The following SETBP1 variants were observed in gnomAD, a reference collection of about 807,000 sequenced individuals.
SETBP1 encodes the protein SET-binding protein.
Under a neutral mutation model 101.0 loss-of-function variants are expected in SETBP1, and 9 were observed. That is an observed-to-expected ratio of 0.09 (90% CI 0.05 to 0.16). SETBP1 has a LOEUF of 0.16. Among genes scored for constraint, SETBP1 ranks in the 10% least tolerant of loss-of-function variants. The pLI is 1.00. For synonymous variants in SETBP1, 818 were observed against 788.5 expected, an observed-to-expected ratio of 1.04 and a Z score of -0.63; for missense variants, 1,858 against 2,033.8, an observed-to-expected ratio of 0.91 and a Z score of 1.66.
At chr18:45,052,740 T>C (rs745339631) in intron 5 of SETBP1, among the ~76,000 whole-genome samples, 9 of 152,212 alleles carry the variant, frequency 5.9e-5, no homozygotes, top group Non-Finnish European at 1.3e-4. Flanking sequence ...CAAAGATAGT[T>C]AATTTTGTAA....
chr18:44,906,319 T>C (rs964700021), intron 3 of SETBP1, among the ~76,000 whole-genome samples: 1 of 152,204 alleles, frequency 6.6e-6, no homozygotes, highest in African/African-American at 2.4e-5. Context: ...CTTCTGATAG[T>C]AGTCCTAGCA....
intron 2 of SETBP1, among the ~76,000 whole-genome samples, chr18:44,787,962 A>G (rs2071281016): frequency 6.7e-6 from 1 of 148,876 alleles, no homozygotes; most frequent in Non-Finnish European, 1.5e-5. Flanking sequence ...TGATTTGTTT[A>G]GTTTTACTTA....
At chr18:44,831,838 GC>G (rs1249185635) in intron 2 of SETBP1, among the ~76,000 whole-genome samples, 1 of 151,970 alleles carries the variant, frequency 6.6e-6, no homozygotes, top group Non-Finnish European at 1.5e-5. Context: ...TTTTAAATCC[GC>G]CCATGACCTG....
At chr18:45,047,391 T>C (rs4507000) in intron 5 of SETBP1, among the ~76,000 whole-genome samples, 87,890 of 152,036 alleles carry the variant, frequency 0.58, 26,123 homozygotes, top group South Asian at 0.66. Context: ...AAAGGGCACA[T>C]ATATTTTATG....
intron 4 of SETBP1, among the ~76,000 whole-genome samples, chr18:45,036,437 C>T (rs577470537): frequency 1.3e-5 from 2 of 152,104 alleles, no homozygotes; most frequent in East Asian, 1.9e-4. Context: ...TTGGATGTGT[C>T]GCTTTACAAA....
chr18:44,842,316 C>T, intron 2 of SETBP1, among the ~76,000 whole-genome samples: 1 of 152,198 alleles, frequency 6.6e-6, no homozygotes, highest in Non-Finnish European at 1.5e-5. Flanking sequence ...GTGAAGCACA[C>T]AGGAGCAAAT....
rs903831601 is a variant in SETBP1 at position 44,929,385 on chromosome 18, T to C, written c.541-20496T>C. Among the ~76,000 whole-genome samples the C allele has an allele frequency of 2.6e-5, 4 of 152,248 alleles. No individual in the cohort carries two copies. The East Asian group carries it at 7.7e-4, about 29-fold the overall frequency. On this transcript the variant is annotated intron_variant, in intron 3 of 5. Coordinates refer to ENST00000649279, the MANE Select transcript of SETBP1 (RefSeq NM_015559.3). The stretch of plus-strand genomic sequence containing the variant: ...AGGTAGTGTGATGCCTCCAGCTTTG[T>C]TCTTTTGGCTTCGGATTGTCTTGGC...
At chr18:45,026,706 CA>C (rs1313603358) in intron 4 of SETBP1, among the ~76,000 whole-genome samples, 1 of 152,124 alleles carries the variant, frequency 6.6e-6, no homozygotes, top group African/African-American at 2.4e-5. Flanking sequence ...GAATAGTTAC[CA>C]CCCTATTGTC....
intron 4 of SETBP1, among the ~76,000 whole-genome samples, chr18:45,007,499 T>A (rs183391198): frequency 1.1e-4 from 17 of 151,996 alleles, no homozygotes; most frequent in African/African-American, 3.6e-4. Context: ...CTATGAGGCC[T>A]CCAGGCCATT....
intron 3 of SETBP1, chr18:44,876,547 A>G: frequency 6.5e-7 from 1 of 1,534,810 alleles, no homozygotes; most frequent in Non-Finnish European, 8.8e-7. Flanking sequence ...AATCTAAGTC[A>G]GCCTCCTCAT....
At chr18:44,911,879 A>G (rs917500127) in intron 3 of SETBP1, among the ~76,000 whole-genome samples, 1 of 152,196 alleles carries the variant, frequency 6.6e-6, no homozygotes, top group Non-Finnish European at 1.5e-5. Context: ...TTTACCATTA[A>G]GGAACTTCAA....
intron 3 of SETBP1, among the ~76,000 whole-genome samples, chr18:44,901,404 C>G (rs2070041820): frequency 1.3e-5 from 2 of 152,210 alleles, no homozygotes; most frequent in Admixed American, 6.5e-5. Flanking sequence ...ACAGATTCAT[C>G]TAATGAATTC....
chr18:44,953,480 T>C, intron 4 of SETBP1, 140 bp downstream of exon 4: 1 of 748,438 alleles, frequency 1.3e-6, no homozygotes, highest in Non-Finnish European at 2.3e-6. Flanking sequence ...CCTTGCACAT[T>C]TGAGTTTGCT....
intron 4 of SETBP1, chr18:44,988,364 T>C (rs1040476321): frequency 6.6e-6 from 1 of 152,210 alleles, no homozygotes; most frequent in African/African-American, 2.4e-5. Context: ...AGTGGGTCAT[T>C]GTGTATTGAC....
At chr18:44,888,980 C>T (rs1363874399) in intron 3 of SETBP1, among the ~76,000 whole-genome samples, 1 of 152,122 alleles carries the variant, frequency 6.6e-6, no homozygotes, top group Non-Finnish European at 1.5e-5. Flanking sequence ...GGAAGCTTCT[C>T]TCTCATTCTG....
chr18:44,681,400 A>G (rs976338890), intron 1 of SETBP1, among the ~76,000 whole-genome samples: 1 of 152,210 alleles, frequency 6.6e-6, no homozygotes, highest in Admixed American at 6.5e-5. Context: ...AGATGGTGAT[A>G]ACGGGGATGC....
chr18:44,873,085 A>G (rs1303330289), intron 3 of SETBP1, among the ~76,000 whole-genome samples: 1 of 141,592 alleles, frequency 7.1e-6, no homozygotes, highest in Non-Finnish European at 1.6e-5. Flanking sequence ...GGAAGATAAG[A>G]AGAGAGTAAA....
chr18:44,729,049 C>T (rs2069776099), intron 2 of SETBP1, among the ~76,000 whole-genome samples: 1 of 152,106 alleles, frequency 6.6e-6, no homozygotes, highest in Non-Finnish European at 1.5e-5. Context: ...TTATCTTTAC[C>T]TTACAGATCA....
intron 2 of SETBP1, among the ~76,000 whole-genome samples, chr18:44,758,028 T>G (rs1030980887): frequency 2.0e-5 from 3 of 152,148 alleles, no homozygotes; most frequent in African/African-American, 7.2e-5. Flanking sequence ...GTACTAAGGT[T>G]GAGGCGGGGT....
Sources: gnomAD v4.1 joint callset for allele counts (sites outside exome capture counted in the v4.1 genomes callset) on GRCh38, gnomAD v4.1.1 for gene constraint, MANE v1.5 for transcripts, NCBI Gene and HGNC (gene_info 2026-07-23, HGNC 2026-07-21) for gene names.